GRIA2: variants seen among roughly 807,000 people sequenced by gnomAD.
GRIA2 encodes the protein glutamate ionotropic receptor AMPA type subunit 2, also known as glutamate receptor 2.
GRIA2 carries 14 observed loss-of-function variants against 97.3 expected under a neutral mutation model. That is an observed-to-expected ratio of 0.14 (90% CI 0.10 to 0.23). GRIA2 has a LOEUF of 0.23. GRIA2 is among the 10% of genes least tolerant of loss of function. GRIA2 has a pLI of 1.00. For missense variants in GRIA2, 558 were observed against 1,069.8 expected, an observed-to-expected ratio of 0.52 and a Z score of 6.67; for synonymous variants, 412 against 387.8, an observed-to-expected ratio of 1.06 and a Z score of -0.73.
chr4:157,327,076 T>TA (rs1351763792), intron 6 of GRIA2, among the ~76,000 whole-genome samples: 1 of 152,158 alleles, frequency 6.6e-6, no homozygotes, highest in East Asian at 1.9e-4. Flanking sequence ...AATGAAATAA[T>TA]AATTGTAAAA....
At chr4:157,336,792 G>C in intron 11 of GRIA2, 45 bp downstream of exon 11, 1 of 1,565,906 alleles carries the variant, frequency 6.4e-7, no homozygotes, top group Non-Finnish European at 8.7e-7. Context: ...CAGGTCTCAA[G>C]TGGACATTCA....
chr4:157,287,047 T>C (rs1470741087), intron 2 of GRIA2, among the ~76,000 whole-genome samples: 1 of 151,572 alleles, frequency 6.6e-6, no homozygotes, highest in Non-Finnish European at 1.5e-5. Context: ...CTCTATTCTG[T>C]CTGGAAACAA....
intron 2 of GRIA2, among the ~76,000 whole-genome samples, chr4:157,256,304 T>TATATATAATAACA (rs1561013384): frequency 7.2e-6 from 1 of 138,398 alleles, no homozygotes; most frequent in Non-Finnish European, 1.6e-5. Context: ...ATATATAATA[T>TATATATAATAACA]TATATATTAC....
At chr4:157,315,451 C>A (rs1348260542) in intron 4 of GRIA2, among the ~76,000 whole-genome samples, 1 of 150,374 alleles carries the variant, frequency 6.7e-6, no homozygotes, top group Non-Finnish European at 1.5e-5. Flanking sequence ...TGAGATAGCA[C>A]TCCTTATTGC....
Position 157,361,157 on chromosome 4 carries a change from C to A in GRIA2, c.2406+33C>A. The A allele has an allele frequency of 6.8e-7, 1 of 1,472,154 alleles. No homozygotes were observed. The highest frequency in any genetic ancestry group is 9.5e-7 in the Non-Finnish European group (1 of 1,051,650). 91.2% of individuals were successfully genotyped at this position (1,472,154 alleles called of 1,614,324 possible). On this transcript the variant is annotated intron_variant, in intron 14 of 15. Coordinates refer to ENST00000264426, the MANE Select transcript of GRIA2 (RefSeq NM_001083619.3). The surrounding 1 kb of genome is among the most constrained non-coding windows in gnomAD (Gnocchi z 5.2). The stretch of plus-strand genomic sequence containing the variant: ...CCAGTGAGAAAAGTAATGGGTAACT[C>A]AATGCAAAACAAAGTAAGCAGCAGC...
At chr4:157,328,624 A>G (rs927406876) in intron 6 of GRIA2, among the ~76,000 whole-genome samples, 1 of 152,046 alleles carries the variant, frequency 6.6e-6, no homozygotes, top group Non-Finnish European at 1.5e-5. Flanking sequence ...ATCAAACCAG[A>G]CAATGCCTTG....
chr4:157,275,493 C>T lies in GRIA2; in HGVS notation c.230-28059C>T, dbSNP rs373579254. 1.2e-4 allele frequency among the ~76,000 whole-genome samples: 19 copies of T among 152,074 alleles called. No individual in the cohort carries two copies. The South Asian group carries it at 2.5e-3, about 20-fold the overall frequency. ...CCTAGGTTTTCTTCTAGAGTTTTTA[C>T]GGTTTTAGGTCTAACATGTAAGTCT... On this transcript the variant is annotated intron_variant, in intron 2 of 15. Coordinates refer to ENST00000264426, the MANE Select transcript of GRIA2 (RefSeq NM_001083619.3).
At position 157,364,512 on chromosome 4, in the gene GRIA2, T is replaced by TGTGTAGATAAATGTAGATCTATTGTGTA. The variant is rs1560786150; in HGVS notation, c.*1082_*1083insTGTAGATAAATGTAGATCTATTGTGTAG. 6.6e-6 allele frequency: 1 copy of TGTGTAGATAAATGTAGATCTATTGTGTA among 152,060 alleles called. No homozygotes were observed. Among genetic ancestry groups the TGTGTAGATAAATGTAGATCTATTGTGTA allele is most frequent in the East Asian group, 1.9e-4 (1 of 5,180 alleles). The allele number at this position is 152,060 out of a possible 1,614,324, so 9.4% of individuals were successfully genotyped here. On this transcript the variant is annotated 3_prime_UTR_variant, in exon 16 of 16. Transcript: ENST00000264426. ...AAATATTTGTTAACACAAAAGCATT[T>TGTGTAGATAAATGTAGATCTATTGTGTA]GATCTATGTAGATAAATGCTAATAG...
chr4:157,274,518 T>TC (rs1732190055), intron 2 of GRIA2, among the ~76,000 whole-genome samples: 2 of 88,140 alleles, frequency 2.3e-5, no homozygotes, highest in African/African-American at 4.3e-5. Flanking sequence ...CCATCCCCCC[T>TC]CCCCCCACCC....
intron 12 of GRIA2, among the ~76,000 whole-genome samples, chr4:157,343,993 TAC>T (rs1735661221): frequency 6.6e-6 from 1 of 152,076 alleles, no homozygotes; most frequent in South Asian, 2.1e-4. Flanking sequence ...TTTTCTAGGA[TAC>T]TATGGCTTTC....
chr4:157,222,195 TC>T (rs2126670614), intron 2 of GRIA2, among the ~76,000 whole-genome samples: 1 of 151,974 alleles, frequency 6.6e-6, no homozygotes, highest in East Asian at 2.0e-4. Flanking sequence ...AACACGTTGT[TC>T]CCCAGGGCGC....
intron 15 of GRIA2, 184 bp downstream of exon 15, chr4:157,363,231 A>G (rs1216856981): frequency 2.9e-6 from 2 of 699,408 alleles, no homozygotes; most frequent in African/African-American, 1.8e-5. Context: ...TTAATGGCAC[A>G]GTAGCTTGGG....
Position 157,361,538 on chromosome 4 carries a change from A to G in GRIA2, c.2406+414A>G. 1.3e-6 allele frequency: 2 copies of G among 1,561,900 alleles called. No individual in the cohort carries two copies. The highest frequency in any genetic ancestry group is 1.1e-5 in the South Asian group (1 of 89,898). ...TATTTATGTTATTTTCCACGTGAAG[A>G]ACCCCAGTAAATCTTGCAGTATTGA... On this transcript the variant is annotated intron_variant, in intron 14 of 15. Coordinates refer to ENST00000264426, the MANE Select transcript of GRIA2 (RefSeq NM_001083619.3). This position sits in a 1 kb window ranked among gnomAD's most constrained non-coding sequence, Gnocchi z 5.2.
intron 2 of GRIA2, among the ~76,000 whole-genome samples, chr4:157,293,774 T>C (rs1733210887): frequency 1.3e-5 from 2 of 152,068 alleles, no homozygotes; most frequent in African/African-American, 4.8e-5. Flanking sequence ...GGCGTTACAA[T>C]GGAATAGGGC....
At chr4:157,322,164 G>C (rs1734599196) in intron 6 of GRIA2, among the ~76,000 whole-genome samples, 1 of 151,666 alleles carries the variant, frequency 6.6e-6, no homozygotes, top group African/African-American at 2.4e-5. Flanking sequence ...CTTGCAGACA[G>C]TTCTTAGTTC....
chr4:157,244,978 C>T (rs1730663863), intron 2 of GRIA2, among the ~76,000 whole-genome samples: 1 of 151,886 alleles, frequency 6.6e-6, no homozygotes, highest in Non-Finnish European at 1.5e-5. Flanking sequence ...TCCTAATTGC[C>T]TTGCCCAGTT....
intron 12 of GRIA2, among the ~76,000 whole-genome samples, chr4:157,344,281 A>G (rs1452298709): frequency 1.3e-5 from 2 of 152,090 alleles, no homozygotes; most frequent in Non-Finnish European, 2.9e-5. Context: ...GGCAAGGGAA[A>G]TTCTTGTTTC....
At chr4:157,338,470 C>T (rs965433365) in intron 11 of GRIA2, among the ~76,000 whole-genome samples, 2 of 151,940 alleles carry the variant, frequency 1.3e-5, no homozygotes, top group Non-Finnish European at 1.5e-5. Flanking sequence ...AACCTATTTG[C>T]ACACAGGGAC....
chr4:157,220,147 G>A (rs573140062), upstream of GRIA2: 83 of 152,416 alleles, frequency 5.4e-4, no homozygotes, highest in African/African-American at 1.9e-3. Context: ...TGGGTCAGGT[G>A]AGGAGGATGA....
Sources: allele counts gnomAD v4.1 joint callset (sites outside exome capture counted in the v4.1 genomes callset), GRCh38; gene constraint gnomAD v4.1.1; non-coding constraint Gnocchi (gnomAD v3.1); transcripts MANE v1.5; gene names NCBI Gene and HGNC (gene_info 2026-07-23, HGNC 2026-07-21).